The following PRKCH variants were observed in gnomAD, a reference collection of about 807,000 sequenced individuals.
PRKCH encodes protein kinase C eta.
A neutral mutation model predicts 82.5 loss-of-function variants in PRKCH; 28 were observed. The ratio of observed to expected loss-of-function variants is 0.34; its 90% CI spans 0.25 to 0.47. The LOEUF (loss-of-function observed/expected upper bound fraction) is 0.47, where lower values mean the gene tolerates loss of function less well. PRKCH is among the 20% of genes least tolerant of loss of function. The probability of loss-of-function intolerance (pLI) is 1.00; values close to 1 mark genes in which losing one functional copy is unlikely to be tolerated. For synonymous variants in PRKCH, 322 were observed against 327.4 expected (o/e 0.98, Z 0.18); for missense variants, 705 against 881.8 (o/e 0.80, Z 2.54).
At chr14:61,202,921 A>G (rs916429870) in intron 1 of PRKCH, among the ~76,000 whole-genome samples, 1 of 152,140 alleles carries the variant, frequency 6.6e-6, no homozygotes, top group Non-Finnish European at 1.5e-5. Context: ...CTCTTGGTGT[A>G]CATCCTATGG....
At chr14:61,378,274 A>T (rs1371187982) in intron 1 of PRKCH, among the ~76,000 whole-genome samples, 2 of 148,770 alleles carry the variant, frequency 1.3e-5, no homozygotes, top group African/African-American at 5.0e-5. Context: ...GGCTGGAATG[A>T]AGTGGTGTGA....
intron 2 of PRKCH, among the ~76,000 whole-genome samples, chr14:61,421,271 A>G (rs997951777): frequency 1.3e-5 from 2 of 152,026 alleles, no homozygotes; most frequent in East Asian, 1.9e-4. Context: ...GTTTCAGGCA[A>G]TATTGATAGG....
At chr14:61,498,255 C>A (rs1354578438) in intron 10 of PRKCH, among the ~76,000 whole-genome samples, 1 of 152,120 alleles carries the variant, frequency 6.6e-6, no homozygotes. Context: ...CTCAAGTGAT[C>A]CCCTACCTGG....
intron 1 of PRKCH, among the ~76,000 whole-genome samples, chr14:61,256,483 G>A (rs138917748): frequency 7.9e-5 from 12 of 152,260 alleles, no homozygotes; most frequent in South Asian, 2.1e-4. Flanking sequence ...GACAATGCTC[G>A]TCTATGCGAA....
At chr14:61,251,303 G>A (rs755251447) in intron 1 of PRKCH, among the ~76,000 whole-genome samples, 16 of 152,028 alleles carry the variant, frequency 1.1e-4, no homozygotes, top group Admixed American at 2.0e-4. Flanking sequence ...GGTCTTATTC[G>A]TTCTTTCTAA....
chr14:61,526,978 G>C (rs1478182347), intron 10 of PRKCH, among the ~76,000 whole-genome samples: 3 of 152,246 alleles, frequency 2.0e-5, no homozygotes, highest in African/African-American at 7.2e-5. Context: ...AGGCCAAGCT[G>C]TTGCTCTGTC....
intron 1 of PRKCH, among the ~76,000 whole-genome samples, chr14:61,239,280 A>G (rs957133556): frequency 6.6e-6 from 1 of 152,230 alleles, no homozygotes; most frequent in African/African-American, 2.4e-5. Context: ...AGCTGATGAT[A>G]CTGCAAGGCT....
At chr14:61,196,405 A>G (rs2044443160) in intron 1 of PRKCH, among the ~76,000 whole-genome samples, 1 of 152,214 alleles carries the variant, frequency 6.6e-6, no homozygotes, top group African/African-American at 2.4e-5. Flanking sequence ...ATTGCTTTAC[A>G]TATATTTGAG....
At chr14:61,272,135 G>A (rs1454217144) in intron 1 of PRKCH, among the ~76,000 whole-genome samples, 1 of 151,784 alleles carries the variant, frequency 6.6e-6, no homozygotes, top group African/African-American at 2.4e-5. Flanking sequence ...GGCTGAGGCA[G>A]GAGAATGGCG....
upstream of PRKCH, among the ~76,000 whole-genome samples, chr14:61,317,513 A>G (rs1158875530): frequency 5.9e-5 from 9 of 152,102 alleles, no homozygotes; most frequent in East Asian, 1.7e-3. Flanking sequence ...GGCTCAAGTG[A>G]TCCTCTTGCC....
At chr14:61,431,179 G>GA (rs36118222) in intron 2 of PRKCH, among the ~76,000 whole-genome samples, 93,502 of 151,844 alleles carry the variant, frequency 0.62, 29,690 homozygotes, top group Non-Finnish European at 0.7. Flanking sequence ...ATTGGTAAGG[G>GA]AAAAATGCCT....
In PRKCH at chr14:61,453,406, G is replaced by C. The variant is rs1884605722; in HGVS notation, c.960+53G>C. On this transcript the variant is annotated intron_variant, in intron 7 of 13. Transcript: ENST00000332981. ...CGTAATTTAGAAGTTGCTCAGATGT[G>C]ATGAGCCCAAATGAGAGCATGTGGC... 1.9e-6 allele frequency: 3 copies of C among 1,586,306 alleles called. No homozygotes were observed. In the African/African-American group the frequency reaches 4.0e-5, roughly 21 times the overall value.
At chr14:61,432,738 C>T (rs1366823353) in intron 2 of PRKCH, among the ~76,000 whole-genome samples, 1 of 152,124 alleles carries the variant, frequency 6.6e-6, no homozygotes, top group African/African-American at 2.4e-5. Context: ...TGCCACCAGG[C>T]ACAGAAAGAA....
At chr14:61,532,019 C>T (rs1457592461) in intron 12 of PRKCH, among the ~76,000 whole-genome samples, 3 of 152,196 alleles carry the variant, frequency 2.0e-5, no homozygotes, top group Admixed American at 6.5e-5. Flanking sequence ...CATCGTGCTG[C>T]AGACGGAGGC....
At chr14:61,205,145 C>T (rs1434596119) in intron 1 of PRKCH, among the ~76,000 whole-genome samples, 1 of 152,226 alleles carries the variant, frequency 6.6e-6, no homozygotes, top group Non-Finnish European at 1.5e-5. Context: ...AGTCTAAGCA[C>T]ATGATCTTCA....
At chr14:61,249,037 G>A (rs960294533) in intron 1 of PRKCH, among the ~76,000 whole-genome samples, 6 of 152,072 alleles carry the variant, frequency 3.9e-5, no homozygotes, top group South Asian at 4.1e-4. Context: ...CCTGACCTCA[G>A]GTGACTCGCC....
chr14:61,315,242 T>G (rs1024855976), intron 1 of PRKCH, among the ~76,000 whole-genome samples: 2 of 152,082 alleles, frequency 1.3e-5, no homozygotes, highest in African/African-American at 4.8e-5. Flanking sequence ...AGTCTTCCCC[T>G]TTGTACTCAG....
At chr14:61,423,561 A>G (rs1418957864) in intron 2 of PRKCH, among the ~76,000 whole-genome samples, 1 of 152,170 alleles carries the variant, frequency 6.6e-6, no homozygotes, top group East Asian at 1.9e-4. Context: ...GCTTTAGAAA[A>G]GTGAGAAGCC....
intron 12 of PRKCH, chr14:61,543,706 G>A (rs1178878182): frequency 6.6e-6 from 1 of 152,190 alleles, no homozygotes; most frequent in Non-Finnish European, 1.5e-5. Context: ...TGGCCCCGAG[G>A]AGCACAATTG....
Sources: gnomAD v4.1 joint callset for allele counts (sites outside exome capture counted in the v4.1 genomes callset) on GRCh38, gnomAD v4.1.1 for gene constraint, MANE v1.5 for transcripts, NCBI Gene and HGNC (gene_info 2026-07-23, HGNC 2026-07-21) for gene names.